PCGF5: variants seen among roughly 807,000 people sequenced by gnomAD.
The protein encoded by PCGF5 is polycomb group ring finger 5.
In PCGF5, 9 loss-of-function variants were observed where a neutral mutation model predicts 44.3. That is an observed-to-expected ratio of 0.20 (90% CI 0.12 to 0.35). The LOEUF (loss-of-function observed/expected upper bound fraction) is 0.35, where lower values mean the gene tolerates loss of function less well. Ranked by LOEUF, PCGF5 falls within the 10% of genes least tolerant of loss-of-function variation. PCGF5 has a pLI of 1.00. For synonymous variants in PCGF5, 95 were observed against 102.5 expected, an observed-to-expected ratio of 0.93 and a Z score of 0.44; for missense variants, 146 against 305.3, an observed-to-expected ratio of 0.48 and a Z score of 3.89.
chr10:91,253,784 GC>G (rs1203772192), intron 6 of PCGF5, among the ~76,000 whole-genome samples: 2 of 152,010 alleles, frequency 1.3e-5, no homozygotes, highest in East Asian at 3.9e-4. Flanking sequence ...TGTGTGTAAG[GC>G]CCAGAGTGAG....
intron 2 of PCGF5, among the ~76,000 whole-genome samples, chr10:91,232,295 G>A (rs545354765): frequency 1.3e-5 from 2 of 152,066 alleles, no homozygotes; most frequent in South Asian, 4.2e-4. Flanking sequence ...GTCAGCAGTT[G>A]GAAATTTTTT....
intron 1 of PCGF5, among the ~76,000 whole-genome samples, chr10:91,171,029 T>C (rs997115118): frequency 2.0e-5 from 3 of 152,308 alleles, no homozygotes; most frequent in Non-Finnish European, 4.4e-5. Context: ...CTACACAACA[T>C]TCTGGGCAAG....
chr10:91,227,597 TGCA>T, intron 2 of PCGF5: 1 of 1,170,922 alleles, frequency 8.5e-7, no homozygotes, highest in Non-Finnish European at 1.1e-6. Flanking sequence ...CCAAAGCCAC[TGCA>T]GCACATTCTT....
At chr10:91,216,378 A>G (rs11186502), upstream of PCGF5, among the ~76,000 whole-genome samples, 10,581 of 152,176 alleles carry the variant, frequency 0.07, 858 homozygotes, top group African/African-American at 0.2. Context: ...AGACCTATCT[A>G]TCTAGCTAGA....
intron 3 of PCGF5, among the ~76,000 whole-genome samples, 183 bp from the exon 4 acceptor site, chr10:91,248,322 C>A (rs907203110): frequency 6.6e-6 from 1 of 152,046 alleles, no homozygotes; most frequent in East Asian, 1.9e-4. Flanking sequence ...TTTTTGTTAT[C>A]AGTCTACTAC....
In PCGF5 at chr10:91,203,506, A is replaced by G. The variant is rs552520579; in HGVS notation, c.-183-19183A>G. 2.0e-5 allele frequency among the ~76,000 whole-genome samples: 3 copies of G among 152,342 alleles called. No individual in the cohort carries two copies. In the South Asian group the frequency reaches 6.2e-4, roughly 32 times the overall value. On this transcript the variant is annotated intron_variant, in intron 1 of 9. Transcript: ENST00000614189. ...TAGTAACTAGTTTTATTTCTAAATT[A>G]GCAATCTTATTTCAGTATTCTGTAT...
intron 9 of PCGF5, 35 bp from the exon 10 acceptor site, chr10:91,278,234 T>G (rs554999639): frequency 6.6e-7 from 1 of 1,510,248 alleles, no homozygotes; most frequent in African/African-American, 1.4e-5. Context: ...TTTATCCAAA[T>G]ACAGTCTTAT....
At chr10:91,158,526 C>G (rs1445011039), upstream of PCGF5, among the ~76,000 whole-genome samples, 1 of 152,112 alleles carries the variant, frequency 6.6e-6, no homozygotes, top group Non-Finnish European at 1.5e-5. Flanking sequence ...AGATATTGAG[C>G]TAGGTTCTAG....
chr10:91,269,272 G>A (rs1398755090), intron 8 of PCGF5, among the ~76,000 whole-genome samples: 2 of 152,186 alleles, frequency 1.3e-5, no homozygotes, highest in Non-Finnish European at 2.9e-5. Flanking sequence ...TCTCAGTTTG[G>A]AAGGGACTTA....
chr10:91,191,316 T>C (rs1352163705), intron 1 of PCGF5, among the ~76,000 whole-genome samples: 1 of 152,114 alleles, frequency 6.6e-6, no homozygotes. Flanking sequence ...ATCTGATAAC[T>C]GAGATGGCTA....
At chr10:91,276,258 C>T (rs954897684) in intron 9 of PCGF5, among the ~76,000 whole-genome samples, 5 of 152,152 alleles carry the variant, frequency 3.3e-5, no homozygotes, top group Non-Finnish European at 7.4e-5. Flanking sequence ...CAAGTTTTGA[C>T]AAAAATAATT....
At chr10:91,213,457 A>G (rs1844488138) in intron 1 of PCGF5, among the ~76,000 whole-genome samples, 1 of 143,334 alleles carries the variant, frequency 7.0e-6, no homozygotes, top group South Asian at 2.3e-4. Flanking sequence ...TCATTATTTT[A>G]TTTCATTAAA....
rs551391701 is a variant in PCGF5 at position 91,186,926 on chromosome 10, A to ATGCT, written c.-184+23848_-184+23849insTTGC. Among the ~76,000 whole-genome samples, 19 of 152,318 alleles carry ATGCT rather than the reference A, an allele frequency of 1.2e-4. No homozygotes were observed. The East Asian group carries it at 3.5e-3, about 28-fold the overall frequency. On this transcript the variant is annotated intron_variant, in intron 1 of 9. Transcript: ENST00000614189. The stretch of plus-strand genomic sequence containing the variant: ...GTGTCATTTAGAACTTGCCCACACA[A>ATGCT]TGCAAGACCAGTGAAAATCGCTAGG...
upstream of PCGF5, among the ~76,000 whole-genome samples, chr10:91,159,099 G>A (rs1843350399): frequency 6.6e-6 from 1 of 152,196 alleles, no homozygotes; most frequent in Non-Finnish European, 1.5e-5. Context: ...CAGCAGACTA[G>A]AGGAGCACCA....
intron 2 of PCGF5, among the ~76,000 whole-genome samples, chr10:91,240,152 G>T (rs570046798): frequency 1.0e-3 from 136 of 132,420 alleles, no homozygotes; most frequent in Non-Finnish European, 1.5e-3. Flanking sequence ...ATCTTTTTCT[G>T]TCCTACTTCT....
intron 5 of PCGF5, among the ~76,000 whole-genome samples, chr10:91,250,730 A>G (rs1845603485): frequency 6.6e-6 from 1 of 151,678 alleles, no homozygotes; most frequent in Admixed American, 6.6e-5. Flanking sequence ...TGCCATTGAG[A>G]TATCTTTAAT....
chr10:91,220,302 C>T (rs1844631453), upstream of PCGF5: 1 of 152,190 alleles, frequency 6.6e-6, no homozygotes, highest in South Asian at 2.1e-4. Flanking sequence ...TTGGGGAAGA[C>T]GCAGCTGAAG....
chr10:91,179,938 G>A (rs1017982028), intron 1 of PCGF5, among the ~76,000 whole-genome samples: 1 of 152,040 alleles, frequency 6.6e-6, no homozygotes, highest in Non-Finnish European at 1.5e-5. Context: ...GTTTTCCATG[G>A]TGGCTGAACT....
chr10:91,221,956 C>T (rs373861292), intron 1 of PCGF5, among the ~76,000 whole-genome samples: 1 of 152,118 alleles, frequency 6.6e-6, no homozygotes, highest in Non-Finnish European at 1.5e-5. Flanking sequence ...AGGTGGCATG[C>T]AGACAGAGGA....
Sources: allele counts gnomAD v4.1 joint callset (sites outside exome capture counted in the v4.1 genomes callset), GRCh38; gene constraint gnomAD v4.1.1; transcripts MANE v1.5; gene names NCBI Gene and HGNC (gene_info 2026-07-23, HGNC 2026-07-21).